NYAP2: variants seen among roughly 807,000 people sequenced by gnomAD.
The protein encoded by NYAP2 is neuronal tyrosine-phosphorylated phosphoinositide-3-kinase adaptor 2.
NYAP2 carries 23 observed loss-of-function variants against 50.4 expected under a neutral mutation model. The observed-to-expected ratio is 0.46, with a 90% CI of 0.33 to 0.65. The LOEUF is 0.65. Among genes scored for constraint, NYAP2 ranks in the 30% least tolerant of loss-of-function variants. The pLI is 0.02. For synonymous variants in NYAP2, 394 were observed against 365.2 expected (o/e 1.08, Z -0.90); for missense variants, 885 against 861.0 (o/e 1.03, Z -0.35).
At chr2:225,538,890 G>A (rs1691406242) in intron 4 of NYAP2, among the ~76,000 whole-genome samples, 1 of 140,618 alleles carries the variant, frequency 7.1e-6, no homozygotes, top group East Asian at 2.1e-4. Flanking sequence ...TACATGTGCA[G>A]AACATGCAGG....
intron 5 of NYAP2, among the ~76,000 whole-genome samples, chr2:225,588,979 G>A (rs1692440787): frequency 6.6e-6 from 1 of 152,152 alleles, no homozygotes; most frequent in African/African-American, 2.4e-5. Flanking sequence ...TCTGTTTCCT[G>A]TGGTTTTCCT....
At chr2:225,597,512 A>AATATATATATATATATATATATACAT in intron 5 of NYAP2, among the ~76,000 whole-genome samples, 4 of 46,220 alleles carry the variant, frequency 8.7e-5, no homozygotes, top group Non-Finnish European at 1.9e-4. Context: ...TCCAAGGAGA[A>AATATATATATATATATATATATACAT]ATATATATAT....
the NYAP2 span, among the ~76,000 whole-genome samples, chr2:225,664,021 A>G: frequency 2.6e-5 from 4 of 152,018 alleles, no homozygotes; most frequent in African/African-American, 9.7e-5. Flanking sequence ...ATCTTTCCCA[A>G]GCAGCTCTCC....
At chr2:225,524,348 C>T (rs1574658045) in intron 4 of NYAP2, among the ~76,000 whole-genome samples, 1 of 152,270 alleles carries the variant, frequency 6.6e-6, no homozygotes, top group Non-Finnish European at 1.5e-5. Context: ...CTCAGCAAGT[C>T]AAGTCCTTCC....
intron 4 of NYAP2, among the ~76,000 whole-genome samples, chr2:225,546,759 GTC>G (rs1349081152): frequency 6.6e-6 from 1 of 152,052 alleles, no homozygotes; most frequent in Non-Finnish European, 1.5e-5. Flanking sequence ...AGCAGAAGGA[GTC>G]TCTCCCTGTA....
chr2:225,668,938 C>T, the NYAP2 span, among the ~76,000 whole-genome samples: 2 of 137,962 alleles, frequency 1.4e-5, no homozygotes, highest in African/African-American at 5.4e-5. Flanking sequence ...AAAATTGTGT[C>T]CTAATTGGTG....
At chr2:225,649,796 C>T (rs537312390) in intron 6 of NYAP2, among the ~76,000 whole-genome samples, 1 of 152,116 alleles carries the variant, frequency 6.6e-6, no homozygotes, top group Non-Finnish European at 1.5e-5. Flanking sequence ...TACATAGATG[C>T]CGAATGTTGA....
intron 4 of NYAP2, among the ~76,000 whole-genome samples, chr2:225,514,746 G>A (rs975312988): frequency 1.3e-5 from 2 of 152,226 alleles, no homozygotes; most frequent in Admixed American, 6.5e-5. Flanking sequence ...AACACTTCAA[G>A]GTTCCCAATG....
intron 4 of NYAP2, among the ~76,000 whole-genome samples, chr2:225,526,150 T>C (rs963225941): frequency 6.6e-6 from 1 of 152,230 alleles, no homozygotes; most frequent in Non-Finnish European, 1.5e-5. Context: ...GAACATAGCC[T>C]TTTGGATTCT....
chr2:225,520,862 G>C (rs560441213), intron 4 of NYAP2, among the ~76,000 whole-genome samples: 2 of 152,106 alleles, frequency 1.3e-5, no homozygotes, highest in Non-Finnish European at 2.9e-5. Context: ...ATTACCTTGG[G>C]CAGTATGGCC....
intron 6 of NYAP2, 143 bp downstream of exon 6, chr2:225,627,269 A>G: frequency 1.5e-6 from 1 of 667,368 alleles, no homozygotes; most frequent in East Asian, 2.7e-5. Context: ...CACGTAGGTT[A>G]CATAAAGGGA....
the NYAP2 span, among the ~76,000 whole-genome samples, chr2:225,673,732 C>T: frequency 6.6e-6 from 1 of 152,210 alleles, no homozygotes; most frequent in East Asian, 1.9e-4. Flanking sequence ...ATTGTTAGAT[C>T]TGCAGGATAG....
chr2:225,622,370 CA>C (rs1380968028), intron 5 of NYAP2, among the ~76,000 whole-genome samples: 2 of 152,034 alleles, frequency 1.3e-5, no homozygotes, highest in Non-Finnish European at 2.9e-5. Context: ...GTTTTTTCTG[CA>C]GAGCACTGAT....
intron 2 of NYAP2, among the ~76,000 whole-genome samples, chr2:225,407,546 T>A (rs1160157505): frequency 6.6e-6 from 1 of 151,942 alleles, no homozygotes. Flanking sequence ...GAAGTAAAAT[T>A]TCCATAGTTA....
At chr2:225,613,848 A>G (rs893506899) in intron 5 of NYAP2, among the ~76,000 whole-genome samples, 9 of 152,182 alleles carry the variant, frequency 5.9e-5, no homozygotes, top group Admixed American at 5.9e-4. Flanking sequence ...TAGAAAGGAG[A>G]ATTAAATTAA....
At chr2:225,571,258 G>T (rs1692066986) in intron 4 of NYAP2, among the ~76,000 whole-genome samples, 1 of 152,172 alleles carries the variant, frequency 6.6e-6, no homozygotes, top group African/African-American at 2.4e-5. Flanking sequence ...CTACCATTCT[G>T]GGGTCTGGAG....
rs1690584861 is a variant in NYAP2 at position 225,500,406 on chromosome 2, CCGTAAATACATGG to C, written c.222-12963_222-12951del. Among the ~76,000 whole-genome samples the C allele has an allele frequency of 8.5e-5, 13 of 152,180 alleles. No individual in the cohort carries two copies. In the South Asian group the frequency reaches 2.7e-3, roughly 31 times the overall value. The stretch of plus-strand genomic sequence containing the variant: ...TGGTAGTTCATTTTTCACAATGATT[CCGTAAATACATGG>C]CTAGGATTTCTGGATCTGTCTGAGG... On this transcript the variant is annotated intron_variant, in intron 3 of 6. Transcript: ENST00000636099.
intron 3 of NYAP2, among the ~76,000 whole-genome samples, chr2:225,449,042 A>C (rs1689606721): frequency 1.3e-5 from 2 of 152,230 alleles, no homozygotes; most frequent in Admixed American, 6.5e-5. Flanking sequence ...AATATATCAT[A>C]CAGAATATAT....
At chr2:225,658,781 G>A (rs1327443798), downstream of NYAP2, among the ~76,000 whole-genome samples, 1 of 152,186 alleles carries the variant, frequency 6.6e-6, no homozygotes, top group African/African-American at 2.4e-5. Context: ...CAAGGAATAT[G>A]TAAAATGAAA....
Sources: gnomAD v4.1 joint callset for allele counts (sites outside exome capture counted in the v4.1 genomes callset) on GRCh38, gnomAD v4.1.1 for gene constraint, MANE v1.5 for transcripts, NCBI Gene and HGNC (gene_info 2026-07-23, HGNC 2026-07-21) for gene names.